Variants in WDR33 observed in about 807,000 individuals in gnomAD.
WDR33 encodes the protein WD repeat domain 33, also known as pre-mRNA 3' end processing protein WDR33.
In WDR33, 47 loss-of-function variants were observed where a neutral mutation model predicts 164.9. The ratio of observed to expected loss-of-function variants is 0.29; its 90% CI spans 0.23 to 0.36. The LOEUF is 0.36. Among genes scored for constraint, WDR33 ranks in the 10% least tolerant of loss-of-function variants. WDR33 has a pLI of 1.00. For missense variants in WDR33, 1,137 were observed against 1,754.1 expected, an observed-to-expected ratio of 0.65 and a Z score of 6.28; for synonymous variants, 505 against 589.0, an observed-to-expected ratio of 0.86 and a Z score of 2.06.
At chr2:127,782,973 C>A (rs1688427226) in intron 1 of WDR33, among the ~76,000 whole-genome samples, 1 of 152,096 alleles carries the variant, frequency 6.6e-6, no homozygotes, top group African/African-American at 2.4e-5. Flanking sequence ...CATGCCACTG[C>A]ACACCAGCCT....
chr2:127,750,672 A>AT (rs1687304769), intron 7 of WDR33, among the ~76,000 whole-genome samples: 1 of 67,408 alleles, frequency 1.5e-5, no homozygotes, highest in African/African-American at 8.5e-5. Flanking sequence ...AAAAAAAAAA[A>AT]AAAAAATATA....
In WDR33 at chr2:127,701,643, C is replaced by T. The variant is rs1342586447; in HGVS notation, c.*4680G>A. 1 of 1,296,500 alleles carries T rather than the reference C, an allele frequency of 7.7e-7. No homozygotes were observed. Among genetic ancestry groups the T allele is most frequent in the Non-Finnish European group, 9.8e-7 (1 of 1,024,470 alleles). 80.3% of individuals were successfully genotyped at this position (1,296,500 alleles called of 1,614,324 possible). ...GAAGGCGGAGGAGCCCGGGGACCGG[C>T]CGGCGGAGGAGTGGCTGGGCCGCGC... On this transcript the variant is annotated 3_prime_UTR_variant, in exon 22 of 22. Transcript: ENST00000322313.
At position 127,720,252 on chromosome 2, in the gene WDR33, T is replaced by C. The variant is rs202122798; in HGVS notation, c.1773A>G (p.Gln591=). The change falls in exon 16 of 22, where the codon CAA becomes CAG. Residue 591 remains glutamine, a synonymous_variant. Transcript: ENST00000322313. This position sits in a 1 kb window ranked among gnomAD's most constrained non-coding sequence, Gnocchi z 5.9. ...PLLGPQPFPG[Q]GPMSQIPQGF... ...CTTGAGGAATCTGAGACATTGGACCTTGTCCTGGAAAAGGCTGGGGTCCGA... is the reference window on the plus strand; with the variant it reads ...CTTGAGGAATCTGAGACATTGGACCCTGTCCTGGAAAAGGCTGGGGTCCGA... 1.5e-5 allele frequency: 24 copies of C among 1,568,220 alleles called. No homozygotes were observed. The Admixed American group carries it at 4.1e-4, about 27-fold the overall frequency.
chr2:127,734,649 A>G (rs1040613841), intron 7 of WDR33, among the ~76,000 whole-genome samples: 1 of 152,176 alleles, frequency 6.6e-6, no homozygotes, highest in Non-Finnish European at 1.5e-5. Context: ...TTGGTGCTCA[A>G]CCTCTCAAAT....
At chr2:127,791,055 G>A (rs1225816373) in intron 1 of WDR33, among the ~76,000 whole-genome samples, 11 of 151,538 alleles carry the variant, frequency 7.3e-5, no homozygotes, top group Non-Finnish European at 1.5e-4. Context: ...TCAAAATTAG[G>A]CTCCATGGAA....
In WDR33 at chr2:127,719,738, C is replaced by G; in HGVS notation, c.2287G>C (p.Gly763Arg). 6.2e-7 allele frequency: 1 copy of G among 1,613,838 alleles called. No homozygotes were observed. The highest frequency in any genetic ancestry group is 8.5e-7 in the Non-Finnish European group (1 of 1,179,968). ...PHPHGIQGGP[G>R]SQGIQGPVSQ... ...ACAGGACCTTGGATCCCTTGAGACC[C>G]TGGTCCGCCTTGGATCCCATGAGGA... The change falls in exon 16 of 22, where the codon GGG becomes CGG. Residue 763 changes from glycine (G) to arginine (R), a missense_variant. This residue lies in a region of WDR33 where 867 missense variants were observed against 1,073.0 expected (regional missense o/e 0.81). Coordinates refer to ENST00000322313, the MANE Select transcript of WDR33 (RefSeq NM_018383.5). This position sits in a 1 kb window ranked among gnomAD's most constrained non-coding sequence, Gnocchi z 6.5.
rs765802761 is a variant in WDR33 at position 127,708,672 on chromosome 2, C to T, written c.3781+5G>A. The T allele has an allele frequency of 2.5e-6, 4 of 1,596,980 alleles. No individual in the cohort carries two copies. In the South Asian group the frequency reaches 3.4e-5, roughly 13 times the overall value. On this transcript the variant is annotated splice_donor_5th_base_variant and intron_variant, in intron 21 of 21. Transcript: ENST00000322313. The surrounding 1 kb of genome is among the most constrained non-coding windows in gnomAD (Gnocchi z 6.7). ...CTGGAACCATAACCACTGGCCTGCT[C>T]TTACCTTTGCCTCCTCGGTCTTCAG...
At chr2:127,772,375 G>A (rs1297636698) in intron 1 of WDR33, among the ~76,000 whole-genome samples, 2 of 152,050 alleles carry the variant, frequency 1.3e-5, no homozygotes, top group East Asian at 1.9e-4. Flanking sequence ...GGAGGGAGAG[G>A]TTGCAGTGGG....
rs764889011 is a variant in WDR33 at position 127,722,918 on chromosome 2, A to C, written c.1378+40T>G. The C allele has an allele frequency of 2.6e-6, 4 of 1,562,036 alleles. No individual in the cohort carries two copies. The highest frequency in any genetic ancestry group is 1.4e-5 in the African/African-American group (1 of 72,474). ...CAGGAACATAAACGGGTCAAGAAAA[A>C]ATTTGTAAAAATTAAATGTGTCTGT... is the stretch of plus-strand genomic sequence containing the variant. On this transcript the variant is annotated intron_variant, in intron 13 of 21. Transcript: ENST00000322313. This position sits in a 1 kb window ranked among gnomAD's most constrained non-coding sequence, Gnocchi z 5.1.
rs1324499796 is a variant in WDR33 at position 127,771,005 on chromosome 2, CT to C, written c.-23-2del. 1.2e-6 allele frequency: 2 copies of C among 1,609,384 alleles called. No individual in the cohort carries two copies. Among genetic ancestry groups the C allele is most frequent in the Non-Finnish European group, 1.7e-6 (2 of 1,177,142 alleles). Reference sequence around the variant, plus strand: ...ATGGTGATGTTTTCCTTCTAGGATACTAGGATAAGGAAAAAGTACTTTCACT... The same window carrying C: ...ATGGTGATGTTTTCCTTCTAGGATACAGGATAAGGAAAAAGTACTTTCACT... On this transcript the variant is annotated splice_acceptor_variant, in intron 1 of 21. Transcript: ENST00000322313. LOFTEE classifies it low-confidence loss of function (5UTR_SPLICE).
Position 127,701,931 on chromosome 2 carries a change from C to T in WDR33, c.*4392G>A, listed in dbSNP as rs866261351. 45 of 1,428,044 alleles carry T rather than the reference C, an allele frequency of 3.2e-5. No individual in the cohort carries two copies. Among genetic ancestry groups the T allele is most frequent in the South Asian group, 6.9e-5 (5 of 72,248 alleles). The allele number at this position is 1,428,044 out of a possible 1,614,324, so 88.5% of individuals were successfully genotyped here. A position where few individuals can be genotyped will look rare whatever the true frequency, so the allele number is the denominator to read the frequency against. On this transcript the variant is annotated 3_prime_UTR_variant, in exon 22 of 22. Transcript: ENST00000322313. The stretch of plus-strand genomic sequence containing the variant: ...GCGGGGCGGCGCGGCGTGCGGACGC[C>T]TGCTGCGCTGCGAAGAAGCGCCGTC...
chr2:127,742,539 AAG>A (rs1454090933), intron 7 of WDR33, among the ~76,000 whole-genome samples: 1 of 151,100 alleles, frequency 6.6e-6, no homozygotes, highest in African/African-American at 2.4e-5. Context: ...AAAAAAAAAA[AAG>A]GGAAGAAAAA....
intron 7 of WDR33, among the ~76,000 whole-genome samples, chr2:127,729,115 T>A (rs1182487132): frequency 6.6e-6 from 1 of 152,258 alleles, no homozygotes; most frequent in East Asian, 1.9e-4. Context: ...TTCTTGGATG[T>A]AATTTTATTC....
In WDR33 at chr2:127,701,383, G is replaced by C. The variant is rs559217797; in HGVS notation, c.*4940C>G. The C allele has an allele frequency of 1.2e-5, 9 of 778,164 alleles. No homozygotes were observed. The highest frequency in any genetic ancestry group is 6.2e-5 in the South Asian group (1 of 16,014). The allele number at this position is 778,164 out of a possible 1,614,324, so 48.2% of individuals were successfully genotyped here. A position where few individuals can be genotyped will look rare whatever the true frequency, so the allele number is the denominator to read the frequency against. On this transcript the variant is annotated 3_prime_UTR_variant, in exon 22 of 22. Transcript: ENST00000322313. ...CTTGGGGACACCACAAAAGTCCGCA[G>C]AGCAGGCACCGCGGCACTTCCGCGA... is the stretch of plus-strand genomic sequence containing the variant.
Position 127,723,379 on chromosome 2 carries a change from T to C in WDR33, c.1197-32A>G. 6.3e-7 allele frequency: 1 copy of C among 1,592,350 alleles called. No individual in the cohort carries two copies. Among genetic ancestry groups the C allele is most frequent in the East Asian group, 2.2e-5 (1 of 44,748 alleles). ...AAATAATTAAAGGAGAAAAGAAGCA[T>C]GGCTTCACTATTTTTTTGGGCACTA... On this transcript the variant is annotated intron_variant, in intron 11 of 21. Transcript: ENST00000322313. The surrounding 1 kb of genome is among the most constrained non-coding windows in gnomAD (Gnocchi z 5.9).
intron 1 of WDR33, among the ~76,000 whole-genome samples, chr2:127,774,108 G>A (rs1688103241): frequency 6.9e-6 from 1 of 143,960 alleles, no homozygotes; most frequent in African/African-American, 2.7e-5. Context: ...CTAGAGTGCA[G>A]TGGCATGATC....
chr2:127,718,218 A>G lies in WDR33; in HGVS notation c.2761-955T>C, dbSNP rs1434010974. Among the ~76,000 whole-genome samples, 1 of 152,152 alleles carries G rather than the reference A, an allele frequency of 6.6e-6. No homozygotes were observed. The stretch of plus-strand genomic sequence containing the variant: ...GTTGAGTTCAGGAAACCCAATGGTC[A>G]TCTTTACATTAGGGATTCGTGGTGG... On this transcript the variant is annotated intron_variant, in intron 16 of 21. Transcript: ENST00000322313. This position sits in a 1 kb window ranked among gnomAD's most constrained non-coding sequence, Gnocchi z 4.4.
At position 127,702,208 on chromosome 2, in the gene WDR33, G is replaced by A. The variant is rs1685909771; in HGVS notation, c.*4115C>T. 3.3e-6 allele frequency: 4 copies of A among 1,208,894 alleles called. No homozygotes were observed. The highest frequency in any genetic ancestry group is 4.1e-6 in the Non-Finnish European group (4 of 969,708). The allele number at this position is 1,208,894 out of a possible 1,614,324, so 74.9% of individuals were successfully genotyped here. A position where few individuals can be genotyped will look rare whatever the true frequency, so the allele number is the denominator to read the frequency against. On this transcript the variant is annotated 3_prime_UTR_variant, in exon 22 of 22. Coordinates refer to ENST00000322313, the MANE Select transcript of WDR33 (RefSeq NM_018383.5). Reference sequence around the variant, plus strand: ...CGCGCCCTCGCCGCTGGGGAAGTACGCGGAGCCAGCGCCGTCGGAGACCGC... The same window carrying A: ...CGCGCCCTCGCCGCTGGGGAAGTACACGGAGCCAGCGCCGTCGGAGACCGC...
Position 127,719,915 on chromosome 2 carries a change from G to A in WDR33, c.2110C>T (p.His704Tyr). The change falls in exon 16 of 22, where the codon CAT becomes TAT. Residue 704 changes from histidine to tyrosine, a missense_variant. His to Tyr is a moderately conservative substitution (Grantham distance 83). Transcript: ENST00000322313. This position sits in a 1 kb window ranked among gnomAD's most constrained non-coding sequence, Gnocchi z 6.5. ...CCAGGTGGACCCTGAGGACCCATAT[G>A]ACCTTGAGGACCAGAACTACCTTGT... ...GPQGSSGPQG[H>Y]MGPQGPPGPQ... 6.2e-7 allele frequency: 1 copy of A among 1,613,978 alleles called. No homozygotes were observed. The highest frequency in any genetic ancestry group is 1.3e-5 in the African/African-American group (1 of 75,038).
Sources: gnomAD v4.1 joint callset for allele counts (sites outside exome capture counted in the v4.1 genomes callset) on GRCh38, gnomAD v4.1.1 for gene constraint, gnomAD v4.1.1 regional missense constraint, Gnocchi (gnomAD v3.1) non-coding constraint, MANE v1.5 for transcripts, NCBI Gene and HGNC (gene_info 2026-07-23, HGNC 2026-07-21) for gene names.